The following GNA14 variants were observed in gnomAD, a reference collection of about 807,000 sequenced individuals.
GNA14 encodes guanine nucleotide-binding protein subunit alpha-14.
GNA14 carries 50 observed loss-of-function variants against 42.0 expected under a neutral mutation model. The ratio of observed to expected loss-of-function variants is 1.19; its 90% CI spans 0.95 to 1.51. The LOEUF (loss-of-function observed/expected upper bound fraction) is 1.51, where lower values mean the gene tolerates loss of function less well. Ranked by LOEUF, GNA14 falls within the 40% of genes most tolerant of loss-of-function variation. The probability of loss-of-function intolerance (pLI) is 0.00; values close to 1 mark genes in which losing one functional copy is unlikely to be tolerated. For synonymous variants in GNA14, 173 were observed against 163.1 expected (o/e 1.06, Z -0.46); for missense variants, 473 against 446.2 (o/e 1.06, Z -0.54).
intron 2 of GNA14, among the ~76,000 whole-genome samples, chr9:77,464,372 TG>T (rs1422139323): frequency 6.6e-5 from 10 of 151,294 alleles, no homozygotes; most frequent in East Asian, 1.9e-4. Flanking sequence ...TGTGTGTGTG[TG>T]TGTGTGTGTG....
At chr9:77,458,300 G>C (rs200678330) in intron 2 of GNA14, among the ~76,000 whole-genome samples, 1 of 146,578 alleles carries the variant, frequency 6.8e-6, no homozygotes, top group Non-Finnish European at 1.5e-5. Context: ...TTTGAGGGGG[G>C]AAAAGAAAGT....
chr9:77,539,154 C>T (rs1360873703), intron 1 of GNA14, among the ~76,000 whole-genome samples: 2 of 152,070 alleles, frequency 1.3e-5, no homozygotes, highest in African/African-American at 4.8e-5. Flanking sequence ...GTTTTCATAG[C>T]TTTATTATTT....
chr9:77,619,982 GAACA>G (rs1205992221), intron 1 of GNA14, among the ~76,000 whole-genome samples: 1 of 152,016 alleles, frequency 6.6e-6, no homozygotes, highest in African/African-American at 2.4e-5. Flanking sequence ...CAAACACAGA[GAACA>G]AAGAAATATA....
chr9:77,534,455 T>C (rs562269331), intron 1 of GNA14, among the ~76,000 whole-genome samples: 74 of 152,350 alleles, frequency 4.9e-4, no homozygotes, highest in African/African-American at 1.6e-3. Context: ...AAGCCAATTG[T>C]TCTAATGTTT....
At chr9:77,470,012 AC>A (rs1836302291) in intron 2 of GNA14, among the ~76,000 whole-genome samples, 2 of 152,142 alleles carry the variant, frequency 1.3e-5, no homozygotes, top group Admixed American at 6.5e-5. Flanking sequence ...ATCTGCTTGG[AC>A]TCATAGTGAC....
intron 1 of GNA14, among the ~76,000 whole-genome samples, chr9:77,540,336 T>A (rs955139250): frequency 4.6e-5 from 7 of 152,120 alleles, no homozygotes; most frequent in Non-Finnish European, 8.8e-5. Context: ...TCTGAGAAAA[T>A]AACAGTATAA....
chr9:77,566,145 C>CTTTTTTTTT (rs956489720), intron 1 of GNA14, among the ~76,000 whole-genome samples: 1 of 102,510 alleles, frequency 9.8e-6, no homozygotes, highest in Non-Finnish European at 1.9e-5. Context: ...GGGAGTGCTT[C>CTTTTTTTTT]TTTTTTTTTT....
At chr9:77,603,477 G>T (rs769212573) in intron 1 of GNA14, among the ~76,000 whole-genome samples, 1 of 152,160 alleles carries the variant, frequency 6.6e-6, no homozygotes, top group Non-Finnish European at 1.5e-5. Flanking sequence ...TGTAACAATA[G>T]AAATTCTATT....
chr9:77,587,368 T>G (rs1823322667), intron 1 of GNA14, among the ~76,000 whole-genome samples: 1 of 152,202 alleles, frequency 6.6e-6, no homozygotes, highest in African/African-American at 2.4e-5. Context: ...ATAGCAGCAC[T>G]ATTCACAATA....
intron 2 of GNA14, among the ~76,000 whole-genome samples, chr9:77,472,988 A>G (rs1179788145): frequency 1.3e-5 from 2 of 152,234 alleles, no homozygotes; most frequent in African/African-American, 4.8e-5. Context: ...GCATTTTGCT[A>G]TAGCAGCCTG....
At chr9:77,539,245 C>A (rs1303228866) in intron 1 of GNA14, among the ~76,000 whole-genome samples, 1 of 152,210 alleles carries the variant, frequency 6.6e-6, no homozygotes, top group Non-Finnish European at 1.5e-5. Context: ...AATGCTCTTT[C>A]TCCATTTATG....
At chr9:77,518,080 G>T (rs1465536257) in intron 2 of GNA14, 1 of 152,156 alleles carries the variant, frequency 6.6e-6, no homozygotes, top group Admixed American at 6.5e-5. Flanking sequence ...ACAGCAGAAT[G>T]TGATTTTTCA....
At chr9:77,535,137 G>A (rs924966386) in intron 1 of GNA14, among the ~76,000 whole-genome samples, 2 of 152,228 alleles carry the variant, frequency 1.3e-5, no homozygotes, top group South Asian at 4.1e-4. Flanking sequence ...GCCCTTGGGG[G>A]CACTCTGCTT....
intron 1 of GNA14, among the ~76,000 whole-genome samples, chr9:77,616,069 C>A (rs1310995886): frequency 6.6e-6 from 1 of 152,170 alleles, no homozygotes; most frequent in Non-Finnish European, 1.5e-5. Flanking sequence ...AATGCCCAAT[C>A]TATCGCATTT....
intron 1 of GNA14, among the ~76,000 whole-genome samples, chr9:77,593,475 T>G (rs1823420695): frequency 6.6e-6 from 1 of 152,124 alleles, no homozygotes; most frequent in Non-Finnish European, 1.5e-5. Context: ...CACGCCAGGC[T>G]AATTTTATAT....
chr9:77,567,820 T>C (rs567480541), intron 1 of GNA14, among the ~76,000 whole-genome samples: 7 of 135,948 alleles, frequency 5.1e-5, no homozygotes, highest in Non-Finnish European at 9.1e-5. Flanking sequence ...TGAGCCAAGA[T>C]TGCACCACTG....
intron 2 of GNA14, among the ~76,000 whole-genome samples, chr9:77,445,209 G>A (rs768823450): frequency 6.6e-6 from 1 of 152,196 alleles, no homozygotes; most frequent in Non-Finnish European, 1.5e-5. Context: ...CTCTGTGTAT[G>A]GAGCGGGGGT....
chr9:77,609,897 G>GAC (rs2117941683), intron 1 of GNA14, among the ~76,000 whole-genome samples: 2 of 152,294 alleles, frequency 1.3e-5, no homozygotes, highest in East Asian at 3.9e-4. Context: ...TCATGTATCT[G>GAC]ACCAAGGGAA....
At chr9:77,443,222 A>G (rs1380994163) in intron 2 of GNA14, among the ~76,000 whole-genome samples, 1 of 152,252 alleles carries the variant, frequency 6.6e-6, no homozygotes, top group Non-Finnish European at 1.5e-5. Context: ...GATGCATTCA[A>G]AATAACTGTA....
Sources: gnomAD v4.1 joint callset for allele counts (sites outside exome capture counted in the v4.1 genomes callset) on GRCh38, gnomAD v4.1.1 for gene constraint, MANE v1.5 for transcripts, NCBI Gene and HGNC (gene_info 2026-07-23, HGNC 2026-07-21) for gene names.